RYR3: variants seen among roughly 807,000 people sequenced by gnomAD.
RYR3 encodes ryanodine receptor 3, also known as brain ryanodine receptor-calcium release channel.
Under a neutral mutation model 584.3 loss-of-function variants are expected in RYR3, and 207 were observed. The ratio of observed to expected loss-of-function variants is 0.35; its 90% CI spans 0.32 to 0.40. RYR3 has a LOEUF of 0.40. Among genes scored for constraint, RYR3 ranks in the 10% least tolerant of loss-of-function variants. RYR3 has a pLI of 1.00. For missense variants in RYR3, 5,616 were observed against 6,089.2 expected (o/e 0.92, Z 2.59); for synonymous variants, 2,416 against 2,248.5 (o/e 1.07, Z -2.11).
At chr15:33,698,604 T>C (rs2066033620) in intron 40 of RYR3, among the ~76,000 whole-genome samples, 1 of 151,616 alleles carries the variant, frequency 6.6e-6, no homozygotes, top group African/African-American at 2.4e-5. Context: ...TGGCTTCAAA[T>C]GTTGGAAATT....
At chr15:33,384,130 A>G (rs1246214413) in intron 1 of RYR3, among the ~76,000 whole-genome samples, 1 of 152,172 alleles carries the variant, frequency 6.6e-6, no homozygotes, top group Non-Finnish European at 1.5e-5. Context: ...CTAGGTTTAA[A>G]GCTAGGTCTC....
chr15:33,711,396 A>G lies in RYR3; in HGVS notation c.6619+4342A>G, dbSNP rs191613776. Among the ~76,000 whole-genome samples the G allele has an allele frequency of 1.6e-3, 246 of 152,004 alleles. 1 individual carries two copies. The highest frequency in any genetic ancestry group is 5.8e-3 in the African/African-American group (242 of 41,452). ...GTAGCTGGGACTATAGGCACCCACC[A>G]CCATGCCTGGCTAACTTTTTGTATT... On this transcript the variant is annotated intron_variant, in intron 43 of 103. Transcript: ENST00000634891.
chr15:33,601,186 TACAAC>T (rs1349457537), intron 16 of RYR3, among the ~76,000 whole-genome samples: 1 of 152,146 alleles, frequency 6.6e-6, no homozygotes, highest in Non-Finnish European at 1.5e-5. Flanking sequence ...GGCATAAGAC[TACAAC>T]AGAGGGGCTA....
rs182323574 is a variant in RYR3, at chr15:33,660,437, C to T, written c.4622+14C>T. On this transcript the variant is annotated intron_variant, in intron 34 of 103. Coordinates refer to ENST00000634891, the MANE Select transcript of RYR3 (RefSeq NM_001036.6). ...CGAGGAGAACAGGTACCAGAGGGGC[C>T]CGCGAAGGAAGGGGCAGGCCTGAGG... 855 of 1,526,244 alleles carry T rather than the reference C, an allele frequency of 5.6e-4. 8 individuals are homozygous for T. In the Admixed American group the frequency reaches 0.016, roughly 29 times the overall value. 94.5% of individuals were successfully genotyped at this position (1,526,244 alleles called of 1,614,324 possible).
intron 90 of RYR3, 25 bp from the exon 91 acceptor site, chr15:33,841,839 C>G (rs1238706354): frequency 6.3e-7 from 1 of 1,578,162 alleles, no homozygotes; most frequent in East Asian, 2.3e-5. Flanking sequence ...GTCTGCCCTG[C>G]TGAGTGGGTT....
chr15:33,320,297 G>A (rs912663440), intron 1 of RYR3, among the ~76,000 whole-genome samples: 4 of 152,194 alleles, frequency 2.6e-5, no homozygotes, highest in African/African-American at 9.6e-5. Context: ...CTTAATAAAT[G>A]ATAGGCTTTA....
At chr15:33,349,944 A>G (rs1189608157) in intron 1 of RYR3, among the ~76,000 whole-genome samples, 1 of 151,826 alleles carries the variant, frequency 6.6e-6, no homozygotes, top group Non-Finnish European at 1.5e-5. Flanking sequence ...TTATGGCTGC[A>G]TAGTATTCCA....
chr15:33,676,210 G>C (rs2064167061), intron 38 of RYR3, among the ~76,000 whole-genome samples: 3 of 148,620 alleles, frequency 2.0e-5, no homozygotes, highest in African/African-American at 7.5e-5. Context: ...AAGGGGTCAT[G>C]AGCCAACAAA....
rs1971050992 is a variant in RYR3 at position 33,336,476 on chromosome 15, G to GAA, written c.51+25381_51+25382insAA. 4.5e-4 allele frequency among the ~76,000 whole-genome samples: 9 copies of GAA among 19,904 alleles called. 3 individuals are homozygous for GAA. The African/African-American group carries it at 5.7e-3, about 13-fold the overall frequency. The allele number at this position is 19,904 out of a possible 152,430, so 13.1% of individuals were successfully genotyped here. On this transcript the variant is annotated intron_variant, in intron 1 of 103. Transcript: ENST00000634891. ...AGAGAGAGAGAGAGAGAGAGAGAGA[G>GAA]AGAGAGAGAGAAAGAAAGAAAGAAA... is the stretch of plus-strand genomic sequence containing the variant.
chr15:33,399,342 A>G (rs749977005), intron 1 of RYR3, among the ~76,000 whole-genome samples: 11 of 152,174 alleles, frequency 7.2e-5, no homozygotes, highest in Non-Finnish European at 1.6e-4. Flanking sequence ...CCTAAATTAA[A>G]AAAGTGAACC....
At chr15:33,328,315 T>G (rs1969986100) in intron 1 of RYR3, among the ~76,000 whole-genome samples, 1 of 152,236 alleles carries the variant, frequency 6.6e-6, no homozygotes, top group Non-Finnish European at 1.5e-5. Flanking sequence ...CTTATCTTTC[T>G]GGAGTGCTTC....
At chr15:33,824,018 C>G (rs2077245559) in intron 81 of RYR3, among the ~76,000 whole-genome samples, 1 of 152,112 alleles carries the variant, frequency 6.6e-6, no homozygotes. Context: ...CTCTGTGGGG[C>G]TTTTCCCCAC....
At chr15:33,588,269 C>T (rs895382837) in intron 16 of RYR3, among the ~76,000 whole-genome samples, 1 of 152,176 alleles carries the variant, frequency 6.6e-6, no homozygotes, top group Non-Finnish European at 1.5e-5. Flanking sequence ...AGCCACACAG[C>T]TAATTAATGA....
intron 12 of RYR3, among the ~76,000 whole-genome samples, chr15:33,567,944 C>T (rs1389656610): frequency 2.6e-5 from 4 of 152,198 alleles, no homozygotes; most frequent in African/African-American, 7.2e-5. Flanking sequence ...GCCCAGGCTA[C>T]ATCTTAAACC....
chr15:33,835,250 G>T (rs910204630), intron 87 of RYR3, among the ~76,000 whole-genome samples, 178 bp downstream of exon 87: 4 of 152,226 alleles, frequency 2.6e-5, no homozygotes, highest in African/African-American at 9.6e-5. Flanking sequence ...TGCCTCGGAG[G>T]GGCGCGGGGT....
At chr15:33,515,222 A>C (rs2053405261) in intron 3 of RYR3, among the ~76,000 whole-genome samples, 1 of 152,122 alleles carries the variant, frequency 6.6e-6, no homozygotes, top group South Asian at 2.1e-4. Flanking sequence ...GATTCTGTAA[A>C]ACCTCACCTC....
At chr15:33,651,537 C>T (rs1173799164) in intron 31 of RYR3, among the ~76,000 whole-genome samples, 1 of 152,230 alleles carries the variant, frequency 6.6e-6, no homozygotes, top group African/African-American at 2.4e-5. Context: ...CTTCTAGAGG[C>T]AGAAGGAACC....
At chr15:33,693,528 A>G (rs1336774913) in intron 38 of RYR3, among the ~76,000 whole-genome samples, 2 of 152,266 alleles carry the variant, frequency 1.3e-5, no homozygotes, top group African/African-American at 4.8e-5. Context: ...GAGAAGCATA[A>G]GAGGCATTCC....
At chr15:33,339,364 C>T (rs1186260090) in intron 1 of RYR3, among the ~76,000 whole-genome samples, 1 of 152,268 alleles carries the variant, frequency 6.6e-6, no homozygotes, top group Middle Eastern at 3.4e-3. Flanking sequence ...AGACTAAGGC[C>T]AGTGACCAGG....
Sources: gnomAD v4.1 joint callset for allele counts (sites outside exome capture counted in the v4.1 genomes callset) on GRCh38, gnomAD v4.1.1 for gene constraint, MANE v1.5 for transcripts, NCBI Gene and HGNC (gene_info 2026-07-23, HGNC 2026-07-21) for gene names.